Variants in ZNF676 observed in about 807,000 individuals in gnomAD.
The protein encoded by ZNF676 is zinc finger protein 676.
In ZNF676, 4 loss-of-function variants were observed where a neutral mutation model predicts 6.0. That is an observed-to-expected ratio of 0.67 (90% CI 0.33 to 1.53). The LOEUF is 1.53. Ranked by LOEUF, ZNF676 falls within the 40% of genes most tolerant of loss-of-function variation. The probability of loss-of-function intolerance (pLI) is 0.06; values close to 1 mark genes in which losing one functional copy is unlikely to be tolerated. For synonymous variants in ZNF676, 198 were observed against 223.1 expected (o/e 0.89, Z 1.00); for missense variants, 644 against 679.7 (o/e 0.95, Z 0.58).
chr19:22,206,964 A>G (rs1275215992), intron 1 of ZNF676, among the ~76,000 whole-genome samples: 1 of 152,208 alleles, frequency 6.6e-6, no homozygotes, highest in Non-Finnish European at 1.5e-5. Context: ...TAAGTTATCT[A>G]TGACAAATCC....
upstream of ZNF676, among the ~76,000 whole-genome samples, chr19:22,219,446 A>G (rs1265160825): frequency 2.0e-5 from 3 of 152,050 alleles, no homozygotes; most frequent in Non-Finnish European, 4.4e-5. Context: ...GTACACAATT[A>G]TATCATTGGT....
intron 1 of ZNF676, among the ~76,000 whole-genome samples, chr19:22,215,449 G>A (rs1029062631): frequency 1.3e-5 from 2 of 152,182 alleles, no homozygotes; most frequent in African/African-American, 4.8e-5. Flanking sequence ...GCGCAGGGAA[G>A]AGACAGGACG....
chr19:22,200,536 T>TTTTTGG (rs2024015026), upstream of ZNF676, among the ~76,000 whole-genome samples: 1 of 148,570 alleles, frequency 6.7e-6, no homozygotes, highest in African/African-American at 2.5e-5. Flanking sequence ...TTTTTTTTTT[T>TTTTTGG]GAGACTGAGT....
the ZNF676 span, among the ~76,000 whole-genome samples, chr19:22,225,514 T>G: frequency 6.6e-6 from 1 of 151,084 alleles, no homozygotes; most frequent in African/African-American, 2.4e-5. Context: ...TTTAATTATC[T>G]GAGGAACATT....
At chr19:22,216,311 T>C (rs2024189369), upstream of ZNF676, among the ~76,000 whole-genome samples, 1 of 151,974 alleles carries the variant, frequency 6.6e-6, no homozygotes, top group African/African-American at 2.4e-5. Flanking sequence ...GGTGGGCGCC[T>C]GTAATCCCAG....
At chr19:22,228,209 T>A in the ZNF676 span, among the ~76,000 whole-genome samples, 1 of 152,026 alleles carries the variant, frequency 6.6e-6, no homozygotes, top group African/African-American at 2.4e-5. Context: ...CATACACAAA[T>A]CAATAAACGT....
upstream of ZNF676, among the ~76,000 whole-genome samples, chr19:22,201,137 G>A (rs1217844430): frequency 2.6e-5 from 4 of 152,136 alleles, no homozygotes; most frequent in Non-Finnish European, 4.4e-5. Flanking sequence ...TAGCTGTTGG[G>A]TAAGTAGAAG....
At chr19:22,250,502 T>G in the ZNF676 span, among the ~76,000 whole-genome samples, 8 of 152,112 alleles carry the variant, frequency 5.3e-5, no homozygotes, top group Non-Finnish European at 7.4e-5. Flanking sequence ...CACTCCAACC[T>G]CCACCTCCCG....
At chr19:22,248,008 G>C in the ZNF676 span, among the ~76,000 whole-genome samples, 2 of 145,426 alleles carry the variant, frequency 1.4e-5, no homozygotes, top group Non-Finnish European at 3.0e-5. Context: ...TTGGTTTTTT[G>C]TCCTTGTGAT....
At chr19:22,233,371 T>C in the ZNF676 span, among the ~76,000 whole-genome samples, 2 of 152,278 alleles carry the variant, frequency 1.3e-5, no homozygotes, top group Non-Finnish European at 2.9e-5. Flanking sequence ...GATGGGAATG[T>C]ATTGCCCTGT....
chr19:22,249,372 A>T, the ZNF676 span, among the ~76,000 whole-genome samples: 2 of 152,160 alleles, frequency 1.3e-5, no homozygotes, highest in African/African-American at 4.8e-5. Flanking sequence ...GTGTGAACAT[A>T]TTGGCTAAAG....
At chr19:22,244,915 C>T in the ZNF676 span, 1 of 152,196 alleles carries the variant, frequency 6.6e-6, no homozygotes, top group Non-Finnish European at 1.5e-5. Context: ...AGTGCTGGAT[C>T]CAGTGATATG....
chr19:22,258,801 A>G, the ZNF676 span, among the ~76,000 whole-genome samples: 724 of 152,138 alleles, frequency 4.8e-3, 7 homozygotes, highest in East Asian at 0.03. Flanking sequence ...ATGTGTCACA[A>G]TCCTATCTGT....
chr19:22,181,700 A>T (rs2023755945), intron 2 of ZNF676, 114 bp from the exon 3 acceptor site: 3 of 750,274 alleles, frequency 4.0e-6, no homozygotes, highest in Admixed American at 3.1e-5. Flanking sequence ...ACATTGCAAT[A>T]TGACACAGGC....
chr19:22,249,786 T>A, the ZNF676 span, among the ~76,000 whole-genome samples: 1 of 151,666 alleles, frequency 6.6e-6, no homozygotes, highest in Admixed American at 6.6e-5. Context: ...AAAGCACAGA[T>A]CTGTTCCTTA....
chr19:22,244,092 G>A, the ZNF676 span: 2 of 148,148 alleles, frequency 1.3e-5, no homozygotes, highest in African/African-American at 5.0e-5. Flanking sequence ...CACCCAAGCT[G>A]GAGTGCAATG....
upstream of ZNF676, among the ~76,000 whole-genome samples, chr19:22,216,180 ATCCC>A (rs1169822947): frequency 7.9e-5 from 12 of 152,232 alleles, no homozygotes; most frequent in African/African-American, 2.7e-4. Flanking sequence ...TACGCCTTTA[ATCCC>A]ATCAGTTTGG....
chr19:22,221,772 T>C, the ZNF676 span, among the ~76,000 whole-genome samples: 4 of 151,884 alleles, frequency 2.6e-5, no homozygotes, highest in Non-Finnish European at 5.9e-5. Context: ...ATCAGACTTG[T>C]CTTTTGGCCT....
the ZNF676 span, among the ~76,000 whole-genome samples, chr19:22,253,422 A>G: frequency 3.4e-5 from 3 of 88,658 alleles, no homozygotes; most frequent in South Asian, 4.9e-4. Context: ...ATATATGATA[A>G]TGTATATATA....
Sources: gnomAD v4.1 joint callset for allele counts (sites outside exome capture counted in the v4.1 genomes callset) on GRCh38, gnomAD v4.1.1 for gene constraint, MANE v1.5 for transcripts, NCBI Gene and HGNC (gene_info 2026-07-23, HGNC 2026-07-21) for gene names.